Variants in CADM2 observed in about 807,000 individuals in gnomAD.
CADM2 encodes immunoglobulin superfamily member 4D.
Under a neutral mutation model 49.8 loss-of-function variants are expected in CADM2, and 12 were observed. The ratio of observed to expected loss-of-function variants is 0.24; its 90% confidence interval spans 0.15 to 0.39. The LOEUF (loss-of-function observed/expected upper bound fraction) is 0.39, where lower values mean the gene tolerates loss of function less well. Ranked by LOEUF, CADM2 falls within the 10% of genes least tolerant of loss-of-function variation. CADM2 has a pLI of 1.00. For missense variants in CADM2, 378 were observed against 492.3 expected, an observed-to-expected ratio of 0.77 and a Z score of 2.20; for synonymous variants, 214 against 175.4, an observed-to-expected ratio of 1.22 and a Z score of -1.74.
intron 1 of CADM2, among the ~76,000 whole-genome samples, chr3:85,544,117 A>C (rs941388514): frequency 1.3e-5 from 2 of 152,200 alleles, no homozygotes; most frequent in Non-Finnish European, 2.9e-5. Flanking sequence ...ACTAATGTCA[A>C]GTAAGACACA....
intron 1 of CADM2, among the ~76,000 whole-genome samples, chr3:85,110,766 C>A (rs982762706): frequency 1.8e-4 from 28 of 151,770 alleles, no homozygotes; most frequent in African/African-American, 5.8e-4. Context: ...TTGGTGAAGA[C>A]AGAGTTGCAA....
chr3:85,408,707 A>C (rs763070701), intron 1 of CADM2, among the ~76,000 whole-genome samples: 1 of 152,170 alleles, frequency 6.6e-6, no homozygotes, highest in Non-Finnish European at 1.5e-5. Context: ...CTTCTTTTGT[A>C]TCTTAAGGAC....
chr3:85,967,250 C>T (rs1486747951), intron 8 of CADM2, among the ~76,000 whole-genome samples: 1 of 151,592 alleles, frequency 6.6e-6, no homozygotes, highest in Non-Finnish European at 1.5e-5. Flanking sequence ...AGTGATTCTC[C>T]ATTTCAGTTA....
intron 8 of CADM2, among the ~76,000 whole-genome samples, chr3:86,052,528 G>A (rs1242518860): frequency 6.6e-6 from 1 of 152,034 alleles, no homozygotes; most frequent in East Asian, 1.9e-4. Context: ...TTGTTAAAAT[G>A]AATAATTATA....
At chr3:85,211,249 G>T (rs2041770336) in intron 1 of CADM2, among the ~76,000 whole-genome samples, 1 of 151,808 alleles carries the variant, frequency 6.6e-6, no homozygotes, top group Non-Finnish European at 1.5e-5. Flanking sequence ...CCAGCCTTTT[G>T]ATTTGCTGAT....
At chr3:84,976,598 C>G (rs1236830196) in intron 1 of CADM2, among the ~76,000 whole-genome samples, 2 of 151,768 alleles carry the variant, frequency 1.3e-5, no homozygotes, top group African/African-American at 2.4e-5. Flanking sequence ...AAGTTAGACA[C>G]TAAACACATC....
intron 1 of CADM2, among the ~76,000 whole-genome samples, chr3:84,987,509 C>T (rs1168817271): frequency 6.6e-6 from 1 of 152,062 alleles, no homozygotes; most frequent in African/African-American, 2.4e-5. Flanking sequence ...AGTCCTCTTC[C>T]TGTTAGTAAT....
intron 8 of CADM2, among the ~76,000 whole-genome samples, chr3:85,990,756 AT>A (rs1380872702): frequency 6.6e-6 from 1 of 152,176 alleles, no homozygotes; most frequent in Non-Finnish European, 1.5e-5. Context: ...TATCAATGAG[AT>A]TATCTGGCAA....
At chr3:85,131,043 G>A (rs918127641) in intron 1 of CADM2, among the ~76,000 whole-genome samples, 23 of 152,182 alleles carry the variant, frequency 1.5e-4, no homozygotes, top group Admixed American at 1.1e-3. Context: ...TTAGCCGGGC[G>A]TGGCATGCGC....
chr3:85,544,483 G>A (rs1291597369), intron 1 of CADM2, among the ~76,000 whole-genome samples: 5 of 152,098 alleles, frequency 3.3e-5, no homozygotes, highest in Non-Finnish European at 1.5e-5. Flanking sequence ...AGGCTGAGGC[G>A]GGTGAATGGC....
intron 5 of CADM2, among the ~76,000 whole-genome samples, chr3:85,891,533 TG>T (rs1181782504): frequency 2.0e-5 from 3 of 146,952 alleles, no homozygotes; most frequent in Admixed American, 6.7e-5. Flanking sequence ...GTTATCACTG[TG>T]GGCCCCTTTT....
chr3:85,753,112 G>A (rs1429477726), intron 2 of CADM2, among the ~76,000 whole-genome samples: 6 of 151,620 alleles, frequency 4.0e-5, no homozygotes, highest in Non-Finnish European at 8.8e-5. Context: ...GTTAAAAAAA[G>A]AAAAACAACT....
At chr3:85,932,925 G>A (rs1195482259) in intron 6 of CADM2, among the ~76,000 whole-genome samples, 3 of 152,010 alleles carry the variant, frequency 2.0e-5, no homozygotes, top group African/African-American at 7.2e-5. Flanking sequence ...ATCTGCTTTG[G>A]CGTTTGCTTA....
intron 1 of CADM2, among the ~76,000 whole-genome samples, chr3:85,539,119 G>A (rs1452739859): frequency 1.4e-5 from 2 of 144,528 alleles, no homozygotes; most frequent in African/African-American, 4.9e-5. Flanking sequence ...TAATTTAAAT[G>A]ACAATTATTT....
intron 1 of CADM2, among the ~76,000 whole-genome samples, chr3:85,303,772 G>A (rs1014106279): frequency 2.6e-5 from 4 of 151,760 alleles, no homozygotes; most frequent in Non-Finnish European, 4.4e-5. Context: ...CCTAATTATT[G>A]TATGTTGTTT....
chr3:85,363,161 G>T (rs1323029205), intron 1 of CADM2, among the ~76,000 whole-genome samples: 1 of 152,058 alleles, frequency 6.6e-6, no homozygotes, highest in South Asian at 2.1e-4. Flanking sequence ...AAAATAATGG[G>T]TTTCTGTGAT....
intron 2 of CADM2, among the ~76,000 whole-genome samples, chr3:85,734,978 A>ATGTG (rs142565193): frequency 0.17 from 24,467 of 148,214 alleles, 3,963 homozygotes; most frequent in African/African-American, 0.41. Context: ...AAATATATAT[A>ATGTG]TGTGTGTGTG....
intron 1 of CADM2, among the ~76,000 whole-genome samples, chr3:85,400,336 C>T (rs1351455454): frequency 6.6e-6 from 1 of 152,184 alleles, no homozygotes; most frequent in East Asian, 1.9e-4. Flanking sequence ...TAATGTGCTG[C>T]TGGATTTTGT....
intron 3 of CADM2, among the ~76,000 whole-genome samples, chr3:85,851,977 T>C (rs2075125732): frequency 6.6e-6 from 1 of 151,994 alleles, no homozygotes; most frequent in Admixed American, 6.6e-5. Flanking sequence ...TTTCTTAAGT[T>C]TGAGATTCTT....
Sources: gnomAD v4.1 joint callset for allele counts (sites outside exome capture counted in the v4.1 genomes callset) on GRCh38, gnomAD v4.1.1 for gene constraint, MANE v1.5 for transcripts, NCBI Gene and HGNC (gene_info 2026-07-23, HGNC 2026-07-21) for gene names.